Variants in PLCL1 observed in about 807,000 individuals in gnomAD.
PLCL1 encodes phospholipase C like 1 (inactive).
In PLCL1, 41 loss-of-function variants were observed where a neutral mutation model predicts 84.4. That is an observed-to-expected ratio of 0.49 (90% CI 0.38 to 0.63). The LOEUF (loss-of-function observed/expected upper bound fraction) is 0.63, where lower values mean the gene tolerates loss of function less well. Among genes scored for constraint, PLCL1 ranks in the 30% least tolerant of loss-of-function variants. The pLI, the probability that PLCL1 is intolerant of heterozygous loss-of-function variation, is 0.00. For missense variants in PLCL1, 1,206 were observed against 1,367.8 expected (o/e 0.88, Z 1.87); for synonymous variants, 490 against 488.3 (o/e 1.00, Z -0.05).
chr2:198,064,596 AC>A (rs1328039157), intron 1 of PLCL1, among the ~76,000 whole-genome samples: 1 of 152,190 alleles, frequency 6.6e-6, no homozygotes, highest in Non-Finnish European at 1.5e-5. Context: ...AAATTTAACT[AC>A]AAAATCTAGG....
At chr2:198,075,379 A>G (rs1255743666) in intron 1 of PLCL1, among the ~76,000 whole-genome samples, 2 of 152,212 alleles carry the variant, frequency 1.3e-5, no homozygotes, top group Non-Finnish European at 2.9e-5. Flanking sequence ...TCGTCAGATG[A>G]CCTTTATTGT....
chr2:197,892,072 G>A lies in PLCL1; in HGVS notation c.240+86733G>A, dbSNP rs188035599. Among the ~76,000 whole-genome samples the A allele has an allele frequency of 8.5e-5, 13 of 152,270 alleles. No individual in the cohort carries two copies. The East Asian group carries it at 1.7e-3, about 20-fold the overall frequency. On this transcript the variant is annotated intron_variant, in intron 1 of 5. Coordinates refer to ENST00000428675, the MANE Select transcript of PLCL1 (RefSeq NM_006226.4). ...ATATCCCTAACAAAGTTCTACTTCCGTTGACCCCTTTCTCTGTGCAAATAA... is the reference window on the plus strand; with the variant it reads ...ATATCCCTAACAAAGTTCTACTTCCATTGACCCCTTTCTCTGTGCAAATAA...
intron 1 of PLCL1, among the ~76,000 whole-genome samples, chr2:197,935,075 A>C (rs751703631): frequency 6.6e-6 from 1 of 152,206 alleles, no homozygotes; most frequent in Non-Finnish European, 1.5e-5. Flanking sequence ...AATCAAAACC[A>C]CAACGAGATA....
intron 1 of PLCL1, among the ~76,000 whole-genome samples, chr2:197,839,757 C>G (rs1253200896): frequency 6.6e-6 from 1 of 152,188 alleles, no homozygotes; most frequent in South Asian, 2.1e-4. Flanking sequence ...GTCTTTAAGA[C>G]CATTAGACTA....
At chr2:197,936,063 C>A (rs562759433) in intron 1 of PLCL1, among the ~76,000 whole-genome samples, 23 of 151,990 alleles carry the variant, frequency 1.5e-4, no homozygotes, top group African/African-American at 5.3e-4. Context: ...CATGTTGTCA[C>A]AAATGACAGG....
chr2:197,806,147 C>T (rs1399409385), intron 1 of PLCL1, among the ~76,000 whole-genome samples: 1 of 152,160 alleles, frequency 6.6e-6, no homozygotes, highest in Non-Finnish European at 1.5e-5. Flanking sequence ...TAGGAAAGAA[C>T]CCTCGCACAG....
chr2:198,020,750 A>G (rs1691114021), intron 1 of PLCL1, among the ~76,000 whole-genome samples: 1 of 152,182 alleles, frequency 6.6e-6, no homozygotes. Context: ...TCATAAAGCA[A>G]GTTCTTAGAG....
intron 1 of PLCL1, among the ~76,000 whole-genome samples, chr2:197,894,896 G>T (rs1688103435): frequency 6.6e-6 from 1 of 151,938 alleles, no homozygotes; most frequent in Admixed American, 6.6e-5. Context: ...ATGGCACATG[G>T]CTGGCAGCAC....
At chr2:197,887,109 C>A (rs916715172) in intron 1 of PLCL1, among the ~76,000 whole-genome samples, 3 of 152,180 alleles carry the variant, frequency 2.0e-5, no homozygotes, top group Non-Finnish European at 4.4e-5. Context: ...AGGGGAATTT[C>A]TTGCGTATCT....
In PLCL1 at chr2:198,091,636, C is replaced by T. The variant is rs1362536828; in HGVS notation, c.2919+2575C>T. On this transcript the variant is annotated intron_variant, in intron 3 of 5. Coordinates refer to ENST00000428675, the MANE Select transcript of PLCL1 (RefSeq NM_006226.4). Reference sequence around the variant, plus strand: ...CGGAGGTTGCAGTGAGCCGAGACTGCGCCATCGCACTCCAGCCTGGGTGAC... The same window carrying T: ...CGGAGGTTGCAGTGAGCCGAGACTGTGCCATCGCACTCCAGCCTGGGTGAC... Among the ~76,000 whole-genome samples, 10 of 150,884 alleles carry T rather than the reference C, an allele frequency of 6.6e-5. No homozygotes were observed. The South Asian group carries it at 8.4e-4, about 13-fold the overall frequency.
At chr2:197,854,597 T>A (rs1402241813) in intron 1 of PLCL1, among the ~76,000 whole-genome samples, 1 of 152,232 alleles carries the variant, frequency 6.6e-6, no homozygotes, top group Non-Finnish European at 1.5e-5. Flanking sequence ...TAACATTTAT[T>A]TATAAAGAAA....
intron 1 of PLCL1, among the ~76,000 whole-genome samples, chr2:197,880,546 A>C (rs557006777): frequency 6.6e-6 from 1 of 152,214 alleles, no homozygotes; most frequent in Non-Finnish European, 1.5e-5. Context: ...AATGGAAAAC[A>C]TAAGAAAAAA....
At chr2:198,064,245 A>G (rs968346047) in intron 1 of PLCL1, among the ~76,000 whole-genome samples, 2 of 152,168 alleles carry the variant, frequency 1.3e-5, no homozygotes, top group African/African-American at 2.4e-5. Flanking sequence ...AAGTTCCATT[A>G]TAGTGCCTTA....
intron 1 of PLCL1, among the ~76,000 whole-genome samples, chr2:197,868,699 G>T (rs1441394297): frequency 1.3e-5 from 2 of 149,560 alleles, no homozygotes; most frequent in Admixed American, 6.7e-5. Flanking sequence ...TAGAGATAAG[G>T]TCTCGCTTTT....
chr2:197,969,912 A>G (rs1469243851), intron 1 of PLCL1, among the ~76,000 whole-genome samples: 1 of 152,152 alleles, frequency 6.6e-6, no homozygotes, highest in African/African-American at 2.4e-5. Flanking sequence ...TGTAGTTTAA[A>G]CTAGAAATAT....
intron 1 of PLCL1, among the ~76,000 whole-genome samples, chr2:197,913,109 A>C (rs1290554727): frequency 6.6e-6 from 1 of 152,216 alleles, no homozygotes; most frequent in Admixed American, 6.5e-5. Flanking sequence ...ATTTTGGCTT[A>C]ATGAATAGGA....
chr2:198,014,933 C>G (rs1690960845), intron 1 of PLCL1, among the ~76,000 whole-genome samples: 1 of 152,068 alleles, frequency 6.6e-6, no homozygotes, highest in Admixed American at 6.6e-5. Context: ...TATTTTTGAG[C>G]CTCATGCAAT....
At chr2:197,925,178 T>A (rs1247904208) in intron 1 of PLCL1, among the ~76,000 whole-genome samples, 1 of 152,192 alleles carries the variant, frequency 6.6e-6, no homozygotes, top group African/African-American at 2.4e-5. Context: ...TGAAAACTTT[T>A]AAGTATTGAG....
intron 1 of PLCL1, among the ~76,000 whole-genome samples, chr2:198,055,327 C>G (rs558096096): frequency 0.066 from 7,160 of 108,420 alleles, 210 homozygotes; most frequent in South Asian, 0.12. Flanking sequence ...CTCTCTCTCT[C>G]TCTGTGTGTG....
Sources: allele counts gnomAD v4.1 joint callset (sites outside exome capture counted in the v4.1 genomes callset), GRCh38; gene constraint gnomAD v4.1.1; transcripts MANE v1.5; gene names NCBI Gene and HGNC (gene_info 2026-07-23, HGNC 2026-07-21).